Variants in ERICH3 observed in about 807,000 individuals in gnomAD.
ERICH3 encodes glutamate rich 3.
A neutral mutation model predicts 131.1 loss-of-function variants in ERICH3; 126 were observed. The observed-to-expected ratio is 0.96, with a 90% confidence interval of 0.83 to 1.11. ERICH3 has a LOEUF of 1.11. Among genes scored for constraint, ERICH3 ranks in the 50% most tolerant of loss-of-function variants. The pLI is 0.00. For missense variants in ERICH3, 2,050 were observed against 1,810.7 expected (o/e 1.13, Z -2.40); for synonymous variants, 695 against 644.6 (o/e 1.08, Z -1.18).
Position 74,606,804 on chromosome 1 carries a change from C to A in ERICH3, c.1286G>T (p.Gly429Val). ...ATACTCTCTCTCTTTCCTCACTTTC[C>A]CCTCAGCCTTCTTCAGTTCCTCTCC... Reference protein sequence around the residue: ...EKGEELKKAEGKVRKEREYVI... With the variant: ...EKGEELKKAEVKVRKEREYVI... The change falls in exon 10 of 15, where the codon GGG (glycine) becomes GTG (valine). Residue 429 changes from glycine to valine, a missense_variant. Coordinates refer to ENST00000326665, the MANE Select transcript of ERICH3 (RefSeq NM_001002912.5). 6.2e-7 allele frequency: 1 copy of A among 1,613,244 alleles called. No individual in the cohort carries two copies. The highest frequency in any genetic ancestry group is 1.1e-5 in the South Asian group (1 of 91,038).
intron 2 of ERICH3, among the ~76,000 whole-genome samples, chr1:74,647,400 T>C (rs1453519102): frequency 6.6e-6 from 1 of 152,092 alleles, no homozygotes; most frequent in Non-Finnish European, 1.5e-5. Flanking sequence ...GTTTTCCTAC[T>C]GCTTTTTTTT....
intron 1 of ERICH3, among the ~76,000 whole-genome samples, chr1:74,665,137 C>T (rs1019866269): frequency 6.6e-6 from 1 of 151,976 alleles, no homozygotes; most frequent in Non-Finnish European, 1.5e-5. Context: ...AAAGCTCTCT[C>T]ACCCCTTCTG....
intron 4 of ERICH3, 57 bp downstream of exon 4, chr1:74,642,970 T>A: frequency 1.5e-6 from 2 of 1,335,936 alleles, no homozygotes; most frequent in Non-Finnish European, 2.1e-6. Flanking sequence ...TTTCACTGTT[T>A]TTTTTAAAAT....
chr1:74,644,655 A>T (rs1369952910), intron 3 of ERICH3, among the ~76,000 whole-genome samples: 1 of 151,954 alleles, frequency 6.6e-6, no homozygotes, highest in Non-Finnish European at 1.5e-5. Context: ...TCTTTCTCCC[A>T]CTTCAGCTTC....
At chr1:74,595,050 C>T (rs1171547325) in intron 11 of ERICH3, among the ~76,000 whole-genome samples, 1 of 152,090 alleles carries the variant, frequency 6.6e-6, no homozygotes, top group Non-Finnish European at 1.5e-5. Context: ...CAATTCTCTC[C>T]TTCCTATTCC....
At chr1:74,647,134 C>G (rs1019555989) in intron 2 of ERICH3, among the ~76,000 whole-genome samples, 1 of 152,098 alleles carries the variant, frequency 6.6e-6, no homozygotes, top group South Asian at 2.1e-4. Flanking sequence ...TGAAAACACA[C>G]ACAGGTGGCA....
At chr1:74,581,320 T>C (rs1403909937) in intron 12 of ERICH3, among the ~76,000 whole-genome samples, 1 of 152,210 alleles carries the variant, frequency 6.6e-6, no homozygotes, top group Non-Finnish European at 1.5e-5. Flanking sequence ...TTCCTTCTTA[T>C]ACATTTCTTA....
At position 74,673,699 on chromosome 1, in the gene ERICH3, C is replaced by T. The variant is rs1024389020; in HGVS notation, c.-180G>A. 4.6e-5 allele frequency: 22 copies of T among 480,802 alleles called. No homozygotes were observed. In the East Asian group the frequency reaches 7.8e-4, roughly 17 times the overall value. 29.8% of individuals were successfully genotyped at this position (480,802 alleles called of 1,614,324 possible). Reference sequence around the variant, plus strand: ...GGCGCCCGGGCTACCCGCAGCCTCCCGGGCTCCCACCCTCCGTTGGTATCC... The same window carrying T: ...GGCGCCCGGGCTACCCGCAGCCTCCTGGGCTCCCACCCTCCGTTGGTATCC... On this transcript the variant is annotated 5_prime_UTR_variant, in exon 1 of 15. Transcript: ENST00000326665.
At chr1:74,664,515 C>T (rs957070781) in intron 1 of ERICH3, among the ~76,000 whole-genome samples, 2 of 152,062 alleles carry the variant, frequency 1.3e-5, no homozygotes, top group Non-Finnish European at 2.9e-5. Flanking sequence ...TATTACAATC[C>T]ATGGCATATA....
At chr1:74,659,334 G>A (rs1015659817) in intron 1 of ERICH3, among the ~76,000 whole-genome samples, 4 of 152,116 alleles carry the variant, frequency 2.6e-5, no homozygotes, top group South Asian at 4.1e-4. Context: ...ATGTGTGTGT[G>A]TGTGTGTGTG....
rs1646388378 is a variant in ERICH3, at chr1:74,636,321, T to C, written c.562A>G (p.Lys188Glu). The change falls in exon 6 of 15, where the codon AAA (lysine) becomes GAA (glutamate). Residue 188 changes from lysine to glutamate, a missense_variant. Coordinates refer to ENST00000326665, the MANE Select transcript of ERICH3 (RefSeq NM_001002912.5). ...VPKVTSRSRS[K>E]TSLLENEALF... ...GCTTCATTTTCCAGCAATGAGGTTT[T>C]TGATCTGGACCTTGAAGTTACCTTT... 1 of 1,610,500 alleles carries C rather than the reference T, an allele frequency of 6.2e-7. No homozygotes were observed. The highest frequency in any genetic ancestry group is 1.3e-5 in the African/African-American group (1 of 74,890).
intron 5 of ERICH3, 24 bp from the exon 6 acceptor site, chr1:74,636,462 C>A (rs780237815): frequency 2.5e-6 from 4 of 1,585,344 alleles, no homozygotes; most frequent in Non-Finnish European, 3.4e-6. Flanking sequence ...GGAAAAAATT[C>A]CATTTAAATT....
chr1:74,582,844 A>G (rs1647202624), intron 12 of ERICH3, among the ~76,000 whole-genome samples: 1 of 152,194 alleles, frequency 6.6e-6, no homozygotes, highest in South Asian at 2.1e-4. Flanking sequence ...CTTTGATTTA[A>G]CAAAAAAATA....
At chr1:74,649,199 G>T in intron 2 of ERICH3, 23 bp downstream of exon 2, 1 of 1,541,886 alleles carries the variant, frequency 6.5e-7, no homozygotes, top group Non-Finnish European at 8.9e-7. Flanking sequence ...AAGAAGGTCA[G>T]TGGAAAGTAA....
At position 74,651,976 on chromosome 1, in the gene ERICH3, A is replaced by G. The variant is rs890600023; in HGVS notation, c.24-2661T>C. Among the ~76,000 whole-genome samples the G allele has an allele frequency of 2.0e-5, 3 of 152,148 alleles. No individual in the cohort carries two copies. The East Asian group carries it at 5.8e-4, about 29-fold the overall frequency. On this transcript the variant is annotated intron_variant, in intron 1 of 14. Coordinates refer to ENST00000326665, the MANE Select transcript of ERICH3 (RefSeq NM_001002912.5). ...GCCTGTCCAGGCTTACAAATCGTCAAGCAGGTCCAGTTGGGTTGAAACCTT... is the reference window on the plus strand; with the variant it reads ...GCCTGTCCAGGCTTACAAATCGTCAGGCAGGTCCAGTTGGGTTGAAACCTT...
Position 74,572,342 on chromosome 1 carries a change from C to A in ERICH3, c.3368G>T (p.Gly1123Val). Residue 1123 changes from glycine to valine, a missense_variant, in exon 14 of 15, where the codon GGA (glycine) becomes GTA (valine). By Grantham distance (109) the Gly-to-Val change is moderately radical. Transcript: ENST00000326665. ...EETKAPPNEMGSDAENEAPVE... is the reference protein window; with the variant it reads ...EETKAPPNEMVSDAENEAPVE... ...AGGTGCTTCGTTCTCAGCATCAGAT[C>A]CCATTTCATTTGGGGGAGCTTTTGT... The A allele has an allele frequency of 1.9e-6, 3 of 1,613,712 alleles. No individual in the cohort carries two copies.
At chr1:74,584,285 A>G (rs1195897800) in intron 12 of ERICH3, among the ~76,000 whole-genome samples, 1 of 152,206 alleles carries the variant, frequency 6.6e-6, no homozygotes, top group Non-Finnish European at 1.5e-5. Flanking sequence ...TAGCCAGAAT[A>G]ATCTTTTCGA....
At chr1:74,570,768 G>T (rs1307669042) in intron 14 of ERICH3, among the ~76,000 whole-genome samples, 1 of 152,082 alleles carries the variant, frequency 6.6e-6, no homozygotes, top group Non-Finnish European at 1.5e-5. Flanking sequence ...TACTTCTGTG[G>T]CCTGTCCTCT....
At chr1:74,641,563 C>T (rs2100634517) in intron 4 of ERICH3, 104 bp from the exon 5 acceptor site, 2 of 1,310,318 alleles carry the variant, frequency 1.5e-6, no homozygotes, top group Non-Finnish European at 2.1e-6. Flanking sequence ...AATTCTTTCT[C>T]ATTTCTTCCA....
Sources: allele counts gnomAD v4.1 joint callset (sites outside exome capture counted in the v4.1 genomes callset), GRCh38; gene constraint gnomAD v4.1.1; transcripts MANE v1.5; gene names NCBI Gene and HGNC (gene_info 2026-07-23, HGNC 2026-07-21).